Variants in ACO2 observed in about 807,000 individuals in gnomAD.
The protein encoded by ACO2 is aconitase 2.
Under a neutral mutation model 84.5 loss-of-function variants are expected in ACO2, and 31 were observed. The ratio of observed to expected loss-of-function variants is 0.37; its 90% CI spans 0.28 to 0.50. The LOEUF is 0.50. Among genes scored for constraint, ACO2 ranks in the 20% least tolerant of loss-of-function variants. The pLI, the probability that ACO2 is intolerant of heterozygous loss-of-function variation, is 0.97. For missense variants in ACO2, 685 were observed against 1,029.3 expected (o/e 0.67, Z 4.58); for synonymous variants, 414 against 412.7 (o/e 1.00, Z -0.04).
Position 41,511,862 on chromosome 22 carries a change from A to G in ACO2, c.433-14A>G. 5.7e-6 allele frequency: 9 copies of G among 1,592,376 alleles called. No homozygotes were observed. Among genetic ancestry groups the G allele is most frequent in the Non-Finnish European group, 7.7e-6 (9 of 1,169,240 alleles). ...CCATGTTGCTAACGCCCAATTATTG[A>G]TTTGTCTCAATAGGACATCAACCAG... On this transcript the variant is annotated splice_polypyrimidine_tract_variant and intron_variant, in intron 3 of 17. Transcript: ENST00000216254.
chr22:41,493,918 G>C (rs926385773), intron 1 of ACO2, among the ~76,000 whole-genome samples: 1 of 152,162 alleles, frequency 6.6e-6, no homozygotes, highest in Non-Finnish European at 1.5e-5. Context: ...AATTAGCCAG[G>C]TGTGGTGGCA....
chr22:41,517,494 C>T (rs769893888), intron 6 of ACO2, 33 bp from the exon 7 acceptor site: 3 of 1,595,050 alleles, frequency 1.9e-6, no homozygotes, highest in Non-Finnish European at 2.6e-6. Context: ...GGCCCGGCCA[C>T]CAGCCAATGC....
chr22:41,517,588 C>T lies in ACO2; in HGVS notation c.897C>T (p.Tyr299=). ...EIGATTSVFP[Y]NHRMKKYLSK... ...GGGCCACCACTTCCGTGTTCCCTTA[C>T]AACCACAGGATGAAGAAGTACCTGA... The change falls in exon 7 of 18, where the codon TAC becomes TAT. Residue 299 remains tyrosine, a synonymous_variant. Coordinates refer to ENST00000216254, the MANE Select transcript of ACO2 (RefSeq NM_001098.3). The T allele has an allele frequency of 1.2e-6, 2 of 1,614,126 alleles. No individual in the cohort carries two copies. The highest frequency in any genetic ancestry group is 1.7e-6 in the Non-Finnish European group (2 of 1,180,028).
At chr22:41,514,240 C>T (rs1569516) in intron 4 of ACO2, among the ~76,000 whole-genome samples, 26,823 of 152,192 alleles carry the variant, frequency 0.18, 3,410 homozygotes, top group Admixed American at 0.38. Flanking sequence ...GAGCCTGTCA[C>T]ACCTCTCATG....
chr22:41,523,026 A>T (rs773888238), intron 10 of ACO2, 39 bp downstream of exon 10: 3 of 1,607,474 alleles, frequency 1.9e-6, no homozygotes, highest in Admixed American at 3.3e-5. Context: ...CCCCCACCCC[A>T]TGCTGAGTAA....
chr22:41,493,127 C>A (rs1480489937), intron 1 of ACO2, among the ~76,000 whole-genome samples: 1 of 152,132 alleles, frequency 6.6e-6, no homozygotes. Context: ...AACCGACTCG[C>A]ATGACAACTA....
At chr22:41,497,085 TCG>T (rs1037743807) in intron 1 of ACO2, among the ~76,000 whole-genome samples, 4 of 151,774 alleles carry the variant, frequency 2.6e-5, no homozygotes, top group African/African-American at 9.7e-5. Flanking sequence ...CTTTTTTTTT[TCG>T]AGACGGAGTT....
At chr22:41,524,010 G>T in intron 12 of ACO2, 69 bp downstream of exon 12, 2 of 1,397,874 alleles carry the variant, frequency 1.4e-6, no homozygotes. Flanking sequence ...AGAGGAGGAG[G>T]CAGAAGGAGA....
intron 9 of ACO2, 51 bp from the exon 10 acceptor site, chr22:41,522,779 C>T: frequency 6.3e-7 from 1 of 1,592,838 alleles, no homozygotes; most frequent in South Asian, 1.1e-5. Context: ...GTGGAGACCT[C>T]TGCTCACTGT....
chr22:41,499,850 T>C lies in ACO2; in HGVS notation c.161T>C (p.Ile54Thr), dbSNP rs369694543. ...GACCTGCTAGAGAAGAACATTAACA[T>C]TGTTCGCAAACGGTAAGGCTGCAGA... ...HYDLLEKNIN[I>T]VRKRLNRPLT... Residue 54 changes from isoleucine (I) to threonine (T), a missense_variant, in exon 2 of 18, where the codon ATT becomes ACT. Ile to Thr is a moderately conservative substitution (Grantham distance 89, BLOSUM62 -1). Coordinates refer to ENST00000216254, the MANE Select transcript of ACO2 (RefSeq NM_001098.3). 81 of 1,613,962 alleles carry C rather than the reference T, an allele frequency of 5.0e-5. No homozygotes were observed. Among genetic ancestry groups the C allele is most frequent in the South Asian group, 4.3e-4 (39 of 91,086 alleles).
chr22:41,526,973 G>A (rs1401727919), intron 15 of ACO2: 2 of 457,540 alleles, frequency 4.4e-6, no homozygotes, highest in Non-Finnish European at 7.9e-6. Flanking sequence ...CTTGTGTGGG[G>A]CCCGGAGGCC....
At chr22:41,516,935 G>A (rs1441195004) in intron 6 of ACO2, among the ~76,000 whole-genome samples, 5 of 151,824 alleles carry the variant, frequency 3.3e-5, no homozygotes, top group African/African-American at 1.2e-4. Flanking sequence ...TCACCATGTT[G>A]GCCAGGCTGG....
At chr22:41,476,981 T>C (rs975091876) in intron 1 of ACO2, among the ~76,000 whole-genome samples, 2 of 151,666 alleles carry the variant, frequency 1.3e-5, no homozygotes, top group East Asian at 2.0e-4. Context: ...AAACTCTGTC[T>C]CTACTAAAAT....
chr22:41,476,532 AC>A (rs1330668046), intron 1 of ACO2, among the ~76,000 whole-genome samples: 10 of 151,922 alleles, frequency 6.6e-5, no homozygotes, highest in African/African-American at 2.4e-4. Flanking sequence ...ACATGGTGAA[AC>A]TCCATCTCTA....
intron 15 of ACO2, chr22:41,526,997 C>T: frequency 2.0e-6 from 1 of 499,126 alleles, no homozygotes; most frequent in Non-Finnish European, 3.6e-6. Flanking sequence ...CCTGTCTCAC[C>T]CAACCTCCCT....
intron 1 of ACO2, chr22:41,469,567 G>C (rs2037916523): frequency 4.8e-6 from 1 of 209,388 alleles, no homozygotes; most frequent in Non-Finnish European, 9.5e-6. Flanking sequence ...CCCAGTTCCT[G>C]AGGCCTCACT....
intron 14 of ACO2, 81 bp from the exon 15 acceptor site, chr22:41,526,181 T>C: frequency 7.8e-7 from 1 of 1,280,294 alleles, no homozygotes; most frequent in South Asian, 1.5e-5. Context: ...CCCCGGGGCC[T>C]GCTGCCTGCC....
chr22:41,526,567 A>T, intron 15 of ACO2, 114 bp downstream of exon 15: 1 of 1,213,652 alleles, frequency 8.2e-7, no homozygotes, highest in South Asian at 1.5e-5. Context: ...GACCAAGCCC[A>T]AAGGGGACTG....
In ACO2 at chr22:41,528,674, G is replaced by T; in HGVS notation, c.*61G>T. 1 of 1,587,868 alleles carries T rather than the reference G, an allele frequency of 6.3e-7. No homozygotes were observed. Among genetic ancestry groups the T allele is most frequent in the Admixed American group, 1.7e-5 (1 of 58,616 alleles). On this transcript the variant is annotated 3_prime_UTR_variant, in exon 18 of 18. Coordinates refer to ENST00000216254, the MANE Select transcript of ACO2 (RefSeq NM_001098.3). ...TTCAGCTCCACGTGTGCCATCAGTG[G>T]ATCCGATCCGTCCAGCCATGGCTTC... is the stretch of plus-strand genomic sequence containing the variant.
Sources: allele counts gnomAD v4.1 joint callset (sites outside exome capture counted in the v4.1 genomes callset), GRCh38; gene constraint gnomAD v4.1.1; transcripts MANE v1.5; gene names NCBI Gene and HGNC (gene_info 2026-07-23, HGNC 2026-07-21).